MINDY2: variants seen among roughly 807,000 people sequenced by gnomAD.
MINDY2 encodes the protein ubiquitin carboxyl-terminal hydrolase MINDY-2.
Under a neutral mutation model 68.2 loss-of-function variants are expected in MINDY2, and 52 were observed. The observed-to-expected ratio is 0.76, with a 90% CI of 0.61 to 0.96. The LOEUF (loss-of-function observed/expected upper bound fraction) is 0.96, where lower values mean the gene tolerates loss of function less well. Among genes scored for constraint, MINDY2 ranks in the 40% least tolerant of loss-of-function variants. MINDY2 has a pLI of 0.00. For missense variants in MINDY2, 881 were observed against 773.4 expected, an observed-to-expected ratio of 1.14 and a Z score of -1.65; for synonymous variants, 372 against 303.0, an observed-to-expected ratio of 1.23 and a Z score of -2.36.
At chr15:58,806,354 C>CTTT (rs57824507) in intron 3 of MINDY2, among the ~76,000 whole-genome samples, 2 of 128,588 alleles carry the variant, frequency 1.6e-5, no homozygotes, top group East Asian at 2.2e-4. Flanking sequence ...AACGTGCCAA[C>CTTT]TTTTTTTTTT....
chr15:58,816,279 A>G (rs2030681857), intron 4 of MINDY2, among the ~76,000 whole-genome samples: 1 of 152,252 alleles, frequency 6.6e-6, no homozygotes, highest in Non-Finnish European at 1.5e-5. Flanking sequence ...GAAAAGTCTC[A>G]ACATGTCCAG....
intron 6 of MINDY2, 121 bp downstream of exon 6, chr15:58,832,037 A>C (rs2031754735): frequency 1.2e-6 from 1 of 850,436 alleles, no homozygotes; most frequent in South Asian, 2.2e-5. Flanking sequence ...CCATCAAATT[A>C]TGAAGGTAAT....
At chr15:58,781,197 C>CTGT (rs1391491953) in intron 1 of MINDY2, among the ~76,000 whole-genome samples, 1 of 152,066 alleles carries the variant, frequency 6.6e-6, no homozygotes, top group Non-Finnish European at 1.5e-5. Flanking sequence ...TTACAGACAC[C>CTGT]TGCCCCCATG....
chr15:58,803,483 A>G (rs1261012033), intron 3 of MINDY2, among the ~76,000 whole-genome samples: 4 of 144,980 alleles, frequency 2.8e-5, no homozygotes, highest in African/African-American at 5.5e-5. Context: ...AAAAAAAAAA[A>G]GAAGAAGAAT....
rs562018572 is a variant in MINDY2, at chr15:58,804,805, CA to C, written c.963+2440del. 5.5e-3 allele frequency among the ~76,000 whole-genome samples: 701 copies of C among 127,446 alleles called. 2 individuals carry two copies. The highest frequency in any genetic ancestry group is 0.013 in the African/African-American group (453 of 34,882). The allele number at this position is 127,446 out of a possible 152,430, so 83.6% of individuals were successfully genotyped here. On this transcript the variant is annotated intron_variant, in intron 3 of 8. Coordinates refer to ENST00000559228, the MANE Select transcript of MINDY2 (RefSeq NM_001040450.3). ...TGGACAACAGAGTGAGACCCTGTTA[CA>C]AAAAAAAAAAAGAAAAGAAAAGAAA...
chr15:58,794,891 A>G (rs1395266593), intron 2 of MINDY2, among the ~76,000 whole-genome samples: 2 of 152,114 alleles, frequency 1.3e-5, no homozygotes, highest in Non-Finnish European at 2.9e-5. Flanking sequence ...ATGGTATTTA[A>G]ATCTGTGGAA....
intron 4 of MINDY2, among the ~76,000 whole-genome samples, chr15:58,812,718 C>T (rs1423763515): frequency 6.6e-6 from 1 of 152,072 alleles, no homozygotes; most frequent in Non-Finnish European, 1.5e-5. Context: ...ATTAGCTAGG[C>T]ATGATGGAAC....
At chr15:58,824,426 C>T (rs2031258486) in intron 5 of MINDY2, among the ~76,000 whole-genome samples, 1 of 152,024 alleles carries the variant, frequency 6.6e-6, no homozygotes, top group Admixed American at 6.6e-5. Flanking sequence ...ATATAAATTT[C>T]ATAATGATGA....
intron 2 of MINDY2, 98 bp downstream of exon 2, chr15:58,788,061 A>C (rs1347811776): frequency 1.2e-5 from 9 of 744,844 alleles, no homozygotes; most frequent in African/African-American, 1.8e-5. Context: ...CTATTATATA[A>C]TCTATTTTAA....
intron 7 of MINDY2, among the ~76,000 whole-genome samples, chr15:58,849,330 G>C (rs546001567): frequency 6.6e-6 from 1 of 151,938 alleles, no homozygotes; most frequent in East Asian, 1.9e-4. Flanking sequence ...GTGAAACCCC[G>C]TCTTTAATTA....
intron 6 of MINDY2, among the ~76,000 whole-genome samples, chr15:58,845,098 T>A (rs1315527179): frequency 6.6e-6 from 1 of 151,798 alleles, no homozygotes. Flanking sequence ...TCAGTAGACA[T>A]TTCTCCAAAG....
intron 8 of MINDY2, among the ~76,000 whole-genome samples, chr15:58,853,438 G>C (rs7163754): frequency 0.97 from 147,286 of 152,258 alleles, 71,384 homozygotes; most frequent in East Asian, 1. Context: ...CATGTTATGT[G>C]TAGGTTTTCA....
intron 1 of MINDY2, among the ~76,000 whole-genome samples, chr15:58,777,230 CTT>C (rs1163019591): frequency 6.6e-6 from 1 of 152,160 alleles, no homozygotes; most frequent in East Asian, 1.9e-4. Context: ...GTTATCAAGA[CTT>C]GGGCTTTTCT....
intron 7 of MINDY2, among the ~76,000 whole-genome samples, chr15:58,851,322 C>T (rs1476834518): frequency 1.3e-5 from 2 of 152,100 alleles, no homozygotes; most frequent in Non-Finnish European, 2.9e-5. Context: ...AAGTTCATAG[C>T]TCCCCAAGGG....
chr15:58,849,897 C>T (rs1294783022), intron 7 of MINDY2, among the ~76,000 whole-genome samples: 1 of 152,114 alleles, frequency 6.6e-6, no homozygotes, highest in African/African-American at 2.4e-5. Flanking sequence ...CCACCACACC[C>T]GGCTAATTTT....
intron 3 of MINDY2, among the ~76,000 whole-genome samples, chr15:58,802,858 G>A (rs1227415980): frequency 2.0e-5 from 3 of 152,202 alleles, no homozygotes; most frequent in African/African-American, 7.2e-5. Flanking sequence ...TAGAGATCCT[G>A]TTCTGCAATG....
chr15:58,820,148 C>T (rs1200425429), intron 4 of MINDY2, among the ~76,000 whole-genome samples: 1 of 152,128 alleles, frequency 6.6e-6, no homozygotes, highest in Non-Finnish European at 1.5e-5. Flanking sequence ...CACCTGTAGT[C>T]TCAGCTACTA....
At chr15:58,837,593 C>G (rs1227038071) in intron 6 of MINDY2, among the ~76,000 whole-genome samples, 1 of 150,860 alleles carries the variant, frequency 6.6e-6, no homozygotes, top group Non-Finnish European at 1.5e-5. Context: ...ATTTTTAAAT[C>G]TACATTACAT....
chr15:58,776,303 C>G (rs753082139), intron 1 of MINDY2, among the ~76,000 whole-genome samples: 8 of 152,132 alleles, frequency 5.3e-5, no homozygotes, highest in Non-Finnish European at 1.2e-4. Flanking sequence ...CTCCATCCTG[C>G]CTCAGTCTCC....
Sources: allele counts gnomAD v4.1 joint callset (sites outside exome capture counted in the v4.1 genomes callset), GRCh38; gene constraint gnomAD v4.1.1; transcripts MANE v1.5; gene names NCBI Gene and HGNC (gene_info 2026-07-23, HGNC 2026-07-21).